The following ARHGEF9 variants were observed in gnomAD, a reference collection of about 807,000 sequenced individuals.
The protein encoded by ARHGEF9 is Cdc42 guanine nucleotide exchange factor 9.
Under a neutral mutation model 41.3 loss-of-function variants are expected in ARHGEF9, and 2 were observed. The ratio of observed to expected loss-of-function variants is 0.05; its 90% CI spans 0.02 to 0.15. The LOEUF (loss-of-function observed/expected upper bound fraction) is 0.15, where lower values mean the gene tolerates loss of function less well. ARHGEF9 is among the 10% of genes least tolerant of loss of function. The pLI, the probability that ARHGEF9 is intolerant of heterozygous loss-of-function variation, is 1.00. For synonymous variants in ARHGEF9, 160 were observed against 154.4 expected (o/e 1.04, Z -0.27); for missense variants, 225 against 424.7 (o/e 0.53, Z 4.13).
chrX:63,642,156 G>T (rs2047677881), intron 9 of ARHGEF9: 1 of 111,585 alleles, frequency 9.0e-6, no homozygotes, highest in Admixed American at 9.6e-5. Flanking sequence ...AATACAGTGG[G>T]GGAAGTAGAG....
intron 7 of ARHGEF9, among the ~76,000 whole-genome samples, chrX:63,659,573 G>A (rs1426031251): frequency 3.6e-5 from 4 of 111,252 alleles, no homozygotes; most frequent in Non-Finnish European, 7.6e-5. Context: ...TGCTTCACTT[G>A]TTTGTAAATA....
intron 1 of ARHGEF9, among the ~76,000 whole-genome samples, chrX:63,752,755 C>A (rs2055729121): frequency 8.9e-6 from 1 of 111,816 alleles, no homozygotes; most frequent in African/African-American, 3.3e-5. Flanking sequence ...GTCCTGTGGC[C>A]AAGACAATTT....
At chrX:63,755,884 G>A in intron 1 of ARHGEF9, 2 of 752,085 alleles carry the variant, frequency 2.7e-6, no homozygotes, top group Non-Finnish European at 3.1e-6. Context: ...AGGACAGTTA[G>A]CTTGCAATTT....
chrX:63,636,648 G>T lies in ARHGEF9; in HGVS notation c.*1380C>A. ...AGGATGGCAGGAGAAAGAAGAAAGA[G>T]AGAGGGAAAGAAAGAAGCCAGGGAA... On this transcript the variant is annotated 3_prime_UTR_variant, in exon 10 of 10. Coordinates refer to ENST00000671741, the MANE Select transcript of ARHGEF9 (RefSeq NM_001353921.2). 1 of 275,486 alleles carries T rather than the reference G, an allele frequency of 3.6e-6. No homozygotes were observed. The highest frequency in any genetic ancestry group is 2.4e-4 in the South Asian group (1 of 4,149). The allele number at this position is 275,486 out of a possible 1,213,427, so 22.7% of individuals were successfully genotyped here.
In ARHGEF9 at chrX:63,724,665, T is replaced by C; in HGVS notation, c.77A>G (p.His26Arg). 1 of 1,211,825 alleles carries C rather than the reference T, an allele frequency of 8.3e-7. No homozygotes were observed. Among genetic ancestry groups the C allele is most frequent in the Non-Finnish European group, 1.1e-6 (1 of 895,536 alleles). Reference sequence around the variant, plus strand: ...CAACTCCCGGTTGGCCATGGTGACGTGATCCCATACTGCCTCAGCACTAAC... The same window carrying C: ...CAACTCCCGGTTGGCCATGGTGACGCGATCCCATACTGCCTCAGCACTAAC... ...SIVSAEAVWD[H>R]VTMANRELAF... Residue 26 changes from histidine (H) to arginine (R), a missense_variant, in exon 2 of 10, where the codon CAC (histidine) becomes CGC (arginine). This residue lies in a region of ARHGEF9 where 114 missense variants were observed against 197.9 expected (regional missense o/e 0.58). Transcript: ENST00000671741.
At chrX:63,755,971 G>A (rs2055916563) in intron 1 of ARHGEF9, 1 of 423,206 alleles carries the variant, frequency 2.4e-6, no homozygotes, top group Non-Finnish European at 3.0e-6. Flanking sequence ...TACAGAACTT[G>A]CAATCTGCTT....
chrX:63,727,786 A>G (rs1238662349), intron 1 of ARHGEF9, among the ~76,000 whole-genome samples: 1 of 112,442 alleles, frequency 8.9e-6, no homozygotes. Flanking sequence ...CAAGCCTCAC[A>G]GCAGCCCTTT....
At chrX:63,677,589 T>C (rs1157760241) in intron 5 of ARHGEF9, among the ~76,000 whole-genome samples, 1 of 111,234 alleles carries the variant, frequency 9.0e-6, no homozygotes, top group Non-Finnish European at 1.9e-5. Flanking sequence ...AACGGGTCAC[T>C]CTGAGAAAGG....
chrX:63,685,887 C>A (rs2050953714), intron 4 of ARHGEF9, among the ~76,000 whole-genome samples: 1 of 110,733 alleles, frequency 9.0e-6, no homozygotes, highest in Non-Finnish European at 1.9e-5. Flanking sequence ...TTGAGATAGG[C>A]AAAGAAAGTA....
intron 1 of ARHGEF9, among the ~76,000 whole-genome samples, chrX:63,765,996 T>C (rs1477070661): frequency 8.9e-6 from 1 of 112,266 alleles, no homozygotes; most frequent in African/African-American, 3.2e-5. Context: ...AATAGGAACC[T>C]AAAATTTTAA....
chrX:63,642,032 G>T (rs1162624748), intron 9 of ARHGEF9: 6 of 112,238 alleles, frequency 5.3e-5, no homozygotes, highest in African/African-American at 2.0e-4. Context: ...GCTTGCAGAT[G>T]GCCTATTGTG....
At chrX:63,784,742 G>T (rs1602767601) in intron 1 of ARHGEF9, among the ~76,000 whole-genome samples, 1 of 109,846 alleles carries the variant, frequency 9.1e-6, no homozygotes, top group African/African-American at 3.3e-5. Flanking sequence ...CCACAACCCC[G>T]TGCCAGCTTG....
At chrX:63,674,408 G>A (rs1476927588) in intron 5 of ARHGEF9, among the ~76,000 whole-genome samples, 1 of 112,552 alleles carries the variant, frequency 8.9e-6, no homozygotes, top group Non-Finnish European at 1.9e-5. Context: ...AAGAATTAAA[G>A]AAAGAGGAGA....
intron 1 of ARHGEF9, among the ~76,000 whole-genome samples, chrX:63,772,641 AC>A (rs782225240): frequency 8.1e-5 from 9 of 111,560 alleles, no homozygotes; most frequent in Admixed American, 6.7e-4. Context: ...CAGAATTTGA[AC>A]CCAGGGAGTA....
intron 6 of ARHGEF9, among the ~76,000 whole-genome samples, chrX:63,669,921 A>C (rs1288780084): frequency 3.6e-5 from 4 of 112,319 alleles, no homozygotes; most frequent in African/African-American, 1.3e-4. Flanking sequence ...ATAAGGTCTG[A>C]CACAGAGTAC....
At chrX:63,727,097 C>G (rs1556417514) in intron 1 of ARHGEF9, 1 of 111,563 alleles carries the variant, frequency 9.0e-6, no homozygotes, top group African/African-American at 3.3e-5. Flanking sequence ...GCACATACAG[C>G]CCCAACCCAG....
chrX:63,682,996 T>C, intron 4 of ARHGEF9, among the ~76,000 whole-genome samples: 1 of 110,163 alleles, frequency 9.1e-6, no homozygotes. Flanking sequence ...GGCAATCAGA[T>C]AAGAAAAATA....
chrX:63,713,328 A>G (rs1431810293), intron 2 of ARHGEF9, among the ~76,000 whole-genome samples: 1 of 110,327 alleles, frequency 9.1e-6, no homozygotes, highest in Non-Finnish European at 1.9e-5. Flanking sequence ...TTGCTCCCCA[A>G]TCAATACATA....
intron 1 of ARHGEF9, among the ~76,000 whole-genome samples, chrX:63,740,841 G>A (rs1556425916): frequency 9.0e-6 from 1 of 111,536 alleles, no homozygotes; most frequent in African/African-American, 3.3e-5. Context: ...TTTCCAGCTT[G>A]AGGAACTCTA....
Sources: gnomAD v4.1 joint callset for allele counts (sites outside exome capture counted in the v4.1 genomes callset) on GRCh38, gnomAD v4.1.1 for gene constraint, gnomAD v4.1.1 regional missense constraint, MANE v1.5 for transcripts, NCBI Gene and HGNC (gene_info 2026-07-23, HGNC 2026-07-21) for gene names.